ODAD2: variants seen among roughly 807,000 people sequenced by gnomAD.
The protein encoded by ODAD2 is outer dynein arm docking complex subunit 2.
A neutral mutation model predicts 106.8 loss-of-function variants in ODAD2; 89 were observed. That is an observed-to-expected ratio of 0.83 (90% CI 0.70 to 0.99). The LOEUF (loss-of-function observed/expected upper bound fraction) is 0.99. ODAD2 is among the 50% of genes least tolerant of loss of function. The probability of loss-of-function intolerance (pLI) is 0.00; values close to 1 mark genes in which losing one functional copy is unlikely to be tolerated. For missense variants in ODAD2, 1,168 were observed against 1,238.5 expected (o/e 0.94, Z 0.85); for synonymous variants, 404 against 436.2 (o/e 0.93, Z 0.92).
intron 16 of ODAD2, 118 bp from the exon 17 acceptor site, chr10:27,907,895 T>TC: frequency 1.4e-6 from 1 of 689,990 alleles, no homozygotes. Context: ...AGAATTTTTT[T>TC]TTTTTTTGCA....
chr10:27,909,045 A>G (rs1227228167), intron 16 of ODAD2, among the ~76,000 whole-genome samples: 1 of 152,230 alleles, frequency 6.6e-6, no homozygotes, highest in Non-Finnish European at 1.5e-5. Flanking sequence ...GAAACATACT[A>G]GCACTTCACA....
chr10:27,864,112 G>T (rs1333066361), intron 17 of ODAD2, among the ~76,000 whole-genome samples: 2 of 151,876 alleles, frequency 1.3e-5, no homozygotes, highest in Non-Finnish European at 2.9e-5. Flanking sequence ...GGGCTATTTC[G>T]CTAGACCACA....
chr10:27,954,247 T>A (rs1454475484), intron 10 of ODAD2, among the ~76,000 whole-genome samples: 1 of 152,152 alleles, frequency 6.6e-6, no homozygotes, highest in East Asian at 1.9e-4. Context: ...CCAGTACCAC[T>A]ACTCTTCTCC....
intron 16 of ODAD2, among the ~76,000 whole-genome samples, chr10:27,914,740 T>A (rs530844320): frequency 1.3e-5 from 2 of 152,170 alleles, no homozygotes; most frequent in South Asian, 2.1e-4. Flanking sequence ...ATACTTTATA[T>A]ATGTATATAA....
At chr10:27,834,334 C>T (rs925787122) in intron 19 of ODAD2, among the ~76,000 whole-genome samples, 27 of 152,168 alleles carry the variant, frequency 1.8e-4, no homozygotes, top group Admixed American at 2.6e-4. Context: ...GCTCCAAAGG[C>T]GCTATCCCTT....
intron 8 of ODAD2, 29 bp downstream of exon 8, chr10:27,971,079 T>C (rs1365642691): frequency 1.3e-6 from 2 of 1,515,658 alleles, no homozygotes; most frequent in Admixed American, 3.5e-5. Flanking sequence ...TAATGCTGCA[T>C]CTGAAAACAA....
intron 17 of ODAD2, among the ~76,000 whole-genome samples, chr10:27,903,072 C>G (rs1337553298): frequency 6.6e-6 from 1 of 152,194 alleles, no homozygotes; most frequent in Admixed American, 6.5e-5. Flanking sequence ...CAAACCGAAT[C>G]CAGCAGCACA....
chr10:27,964,083 A>C (rs1280396970), intron 9 of ODAD2, among the ~76,000 whole-genome samples: 3 of 152,188 alleles, frequency 2.0e-5, no homozygotes. Context: ...TTAGCTGGGT[A>C]TGGTGGCGTG....
intron 17 of ODAD2, among the ~76,000 whole-genome samples, chr10:27,882,723 G>C (rs1379683664): frequency 6.6e-6 from 1 of 152,058 alleles, no homozygotes; most frequent in Non-Finnish European, 1.5e-5. Context: ...GCGGAATCTG[G>C]GGAAATCTGC....
chr10:27,848,484 A>G (rs1393254940), intron 19 of ODAD2, among the ~76,000 whole-genome samples: 2 of 152,204 alleles, frequency 1.3e-5, no homozygotes, highest in Non-Finnish European at 2.9e-5. Flanking sequence ...AATACCATTC[A>G]GGACATAGGC....
rs1554810836 is a variant in ODAD2 at position 27,924,008 on chromosome 10, A to AAGAAAGAAAGGG, written c.2495+11001_2495+11002insCCCTTTCTTTCT. 1.6e-3 allele frequency among the ~76,000 whole-genome samples: 169 copies of AAGAAAGAAAGGG among 104,248 alleles called. 7 individuals carry two copies. The highest frequency in any genetic ancestry group is 5.0e-3 in the African/African-American group (122 of 24,256). 68.4% of individuals were successfully genotyped at this position (104,248 alleles called of 152,430 possible). ...AAAGAAAGAAAGAAAGAAAGAAAGA[A>AAGAAAGAAAGGG]AGAAAGAAAGAAAGAAGGAAAGAGA... On this transcript the variant is annotated intron_variant, in intron 16 of 19. Coordinates refer to ENST00000305242, the MANE Select transcript of ODAD2 (RefSeq NM_018076.5).
At chr10:27,900,697 C>T (rs180917790) in intron 17 of ODAD2, among the ~76,000 whole-genome samples, 19 of 151,926 alleles carry the variant, frequency 1.3e-4, no homozygotes, top group Middle Eastern at 3.4e-3. Flanking sequence ...ATCGATCAGG[C>T]GGAAGAAAGG....
chr10:27,934,483 C>A (rs897799100), intron 16 of ODAD2, among the ~76,000 whole-genome samples: 1 of 149,578 alleles, frequency 6.7e-6, no homozygotes, highest in Non-Finnish European at 1.5e-5. Context: ...ATGGATATAT[C>A]TCTCTATATG....
chr10:27,977,890 G>A (rs1339636922), intron 7 of ODAD2, among the ~76,000 whole-genome samples: 1 of 152,190 alleles, frequency 6.6e-6, no homozygotes, highest in Non-Finnish European at 1.5e-5. Flanking sequence ...TTAATGATGA[G>A]TATGTGGAAG....
At chr10:27,943,593 C>T (rs1564531067) in intron 12 of ODAD2, among the ~76,000 whole-genome samples, 1 of 151,802 alleles carries the variant, frequency 6.6e-6, no homozygotes, top group Non-Finnish European at 1.5e-5. Flanking sequence ...TCAAGACCAG[C>T]CTGACCAATA....
intron 17 of ODAD2, among the ~76,000 whole-genome samples, chr10:27,890,150 G>C (rs1331956521): frequency 6.6e-6 from 1 of 152,164 alleles, no homozygotes; most frequent in Non-Finnish European, 1.5e-5. Flanking sequence ...CTGGTGGATG[G>C]AAAAAACAGT....
At chr10:27,818,399 C>T (rs1836308735) in intron 19 of ODAD2, among the ~76,000 whole-genome samples, 1 of 152,084 alleles carries the variant, frequency 6.6e-6, no homozygotes, top group Non-Finnish European at 1.5e-5. Flanking sequence ...TCATGAGTCC[C>T]TGTCTTGACT....
At chr10:27,992,868 A>T (rs939127861) in intron 2 of ODAD2, among the ~76,000 whole-genome samples, 3 of 152,206 alleles carry the variant, frequency 2.0e-5, no homozygotes, top group Admixed American at 6.5e-5. Flanking sequence ...CAAAGGCAAA[A>T]CAATCATGAT....
chr10:27,981,708 T>C (rs1446433142), intron 6 of ODAD2, 126 bp from the exon 7 acceptor site: 5 of 697,396 alleles, frequency 7.2e-6, no homozygotes, highest in Non-Finnish European at 9.3e-6. Flanking sequence ...GTAGTTTTAA[T>C]ACAGGAAATG....
Sources: allele counts gnomAD v4.1 joint callset (sites outside exome capture counted in the v4.1 genomes callset), GRCh38; gene constraint gnomAD v4.1.1; transcripts MANE v1.5; gene names NCBI Gene and HGNC (gene_info 2026-07-23, HGNC 2026-07-21).